RABGAP1L: variants seen among roughly 807,000 people sequenced by gnomAD.
RABGAP1L encodes the protein rab GTPase-activating protein 1-like.
In RABGAP1L, 63 loss-of-function variants were observed where a neutral mutation model predicts 137.7. That is an observed-to-expected ratio of 0.46 (90% CI 0.37 to 0.56). The LOEUF is 0.56. RABGAP1L is among the 20% of genes least tolerant of loss of function. The pLI is 0.00. For missense variants in RABGAP1L, 1,095 were observed against 1,244.0 expected, an observed-to-expected ratio of 0.88 and a Z score of 1.80; for synonymous variants, 431 against 433.7, an observed-to-expected ratio of 0.99 and a Z score of 0.08.
chr1:174,699,026 G>T (rs1488570197), intron 15 of RABGAP1L, among the ~76,000 whole-genome samples: 1 of 150,852 alleles, frequency 6.6e-6, no homozygotes, highest in African/African-American at 2.4e-5. Context: ...ACGGGGTCTC[G>T]CTCTGTCACC....
Position 174,221,172 on chromosome 1 carries a change from A to G in RABGAP1L, c.331+8A>G, listed in dbSNP as rs1669724267. 4 of 1,524,338 alleles carry G rather than the reference A, an allele frequency of 2.6e-6. No individual in the cohort carries two copies. The highest frequency in any genetic ancestry group is 1.4e-5 in the African/African-American group (1 of 71,124). The allele number at this position is 1,524,338 out of a possible 1,614,324, so 94.4% of individuals were successfully genotyped here. A position where few individuals can be genotyped will look rare whatever the true frequency, so the allele number is the denominator to read the frequency against. On this transcript the variant is annotated splice_region_variant and intron_variant, in intron 3 of 25. Transcript: ENST00000681986. ...TGGATCCGTCTAACACAGGTACTGT[A>G]TTGAATTCTTAGAAACTATTAAAGA... is the stretch of plus-strand genomic sequence containing the variant.
At chr1:174,536,989 A>C (rs1269131675) in intron 13 of RABGAP1L, among the ~76,000 whole-genome samples, 3 of 152,198 alleles carry the variant, frequency 2.0e-5, no homozygotes, top group African/African-American at 7.2e-5. Context: ...GCATAAGTAG[A>C]TACTGACAAT....
intron 13 of RABGAP1L, among the ~76,000 whole-genome samples, chr1:174,494,416 G>A (rs963275864): frequency 2.0e-5 from 3 of 152,062 alleles, no homozygotes; most frequent in African/African-American, 7.2e-5. Context: ...TTTTATTAGG[G>A]AAAAGTTTTC....
At chr1:174,540,675 C>T (rs1665319393) in intron 13 of RABGAP1L, among the ~76,000 whole-genome samples, 3 of 150,270 alleles carry the variant, frequency 2.0e-5, no homozygotes, top group Admixed American at 6.6e-5. Context: ...GTACCAGTAC[C>T]ATGCTGTTTT....
At chr1:174,968,504 T>TC (rs1669841709) in intron 20 of RABGAP1L, among the ~76,000 whole-genome samples, 1 of 151,738 alleles carries the variant, frequency 6.6e-6, no homozygotes, top group Non-Finnish European at 1.5e-5. Context: ...GACTTGGTTT[T>TC]TTTTTTTTCT....
intron 19 of RABGAP1L, among the ~76,000 whole-genome samples, chr1:174,933,094 G>GCATA (rs200140078): frequency 0.011 from 1,727 of 151,958 alleles, 13 homozygotes; most frequent in South Asian, 0.035. Flanking sequence ...ATACATACAT[G>GCATA]CATACATACA....
At chr1:174,853,687 C>T (rs144398178) in intron 19 of RABGAP1L, among the ~76,000 whole-genome samples, 1,738 of 152,062 alleles carry the variant, frequency 0.011, 37 homozygotes, top group African/African-American at 0.037. Context: ...GCCGAGATGG[C>T]GCCACTGCAC....
In RABGAP1L at chr1:174,830,209, G is replaced by A. The variant is rs1447408124; in HGVS notation, c.2340+18249G>A. On this transcript the variant is annotated intron_variant, in intron 19 of 25. Transcript: ENST00000681986. ...ACCACAAGGGAAAGGGATACCAGGA[G>A]TCATGACTGATTAGAAGCCATTCCT... Among the ~76,000 whole-genome samples the A allele has an allele frequency of 1.4e-5, 2 of 147,240 alleles. 1 individual carries two copies. The highest frequency in any genetic ancestry group is 3.0e-5 in the Non-Finnish European group (2 of 66,406).
chr1:174,162,960 G>A (rs1468586717), intron 1 of RABGAP1L, among the ~76,000 whole-genome samples: 2 of 119,046 alleles, frequency 1.7e-5, no homozygotes, highest in East Asian at 6.4e-4. Flanking sequence ...GGAGGGGGGA[G>A]GGATAGCATT....
chr1:174,636,827 C>T (rs992549129), intron 13 of RABGAP1L, among the ~76,000 whole-genome samples: 1 of 152,116 alleles, frequency 6.6e-6, no homozygotes, highest in Non-Finnish European at 1.5e-5. Context: ...AGCAATTAAA[C>T]CTCAAGGAAT....
chr1:174,855,103 C>T (rs1178273102), intron 19 of RABGAP1L, among the ~76,000 whole-genome samples: 1 of 151,908 alleles, frequency 6.6e-6, no homozygotes, highest in Admixed American at 6.6e-5. Flanking sequence ...TTAGATTTTC[C>T]CTATGATATT....
intron 23 of RABGAP1L, 55 bp downstream of exon 23, chr1:174,978,945 A>AT (rs371036834): frequency 0.061 from 63,319 of 1,043,982 alleles, 86 homozygotes; most frequent in South Asian, 0.095. Context: ...TATAAAAGTA[A>AT]TTTTTTTTTT....
intron 13 of RABGAP1L, among the ~76,000 whole-genome samples, chr1:174,597,229 C>A (rs531765458): frequency 1.3e-5 from 2 of 152,062 alleles, no homozygotes; most frequent in Non-Finnish European, 2.9e-5. Flanking sequence ...ATACTGCCCT[C>A]ATAGAATGAG....
chr1:174,179,310 T>A (rs1430208956), intron 1 of RABGAP1L, among the ~76,000 whole-genome samples: 1 of 152,214 alleles, frequency 6.6e-6, no homozygotes, highest in Non-Finnish European at 1.5e-5. Flanking sequence ...AACTATAGTT[T>A]GTCAGTTAGT....
intron 13 of RABGAP1L, among the ~76,000 whole-genome samples, chr1:174,537,071 G>A (rs2147915373): frequency 6.6e-6 from 1 of 152,294 alleles, no homozygotes; most frequent in South Asian, 2.1e-4. Flanking sequence ...TTTCTTTGAA[G>A]TAGTTGGTTG....
intron 17 of RABGAP1L, among the ~76,000 whole-genome samples, chr1:174,712,241 C>T (rs992967390): frequency 1.3e-5 from 2 of 152,182 alleles, no homozygotes; most frequent in Non-Finnish European, 1.5e-5. Flanking sequence ...GAGCAGTCAC[C>T]TTCCGGACTG....
intron 11 of RABGAP1L, among the ~76,000 whole-genome samples, chr1:174,349,256 G>A (rs1363398135): frequency 1.4e-5 from 2 of 139,794 alleles, no homozygotes; most frequent in Non-Finnish European, 3.2e-5. Flanking sequence ...CCTCCCGGAC[G>A]GGGCGGCTGG....
At chr1:174,268,605 G>A (rs537210707) in intron 7 of RABGAP1L, among the ~76,000 whole-genome samples, 53 of 152,174 alleles carry the variant, frequency 3.5e-4, no homozygotes, top group Admixed American at 4.6e-4. Context: ...GGAGATATAT[G>A]TAATTCCTAA....
At chr1:174,540,145 A>AT (rs1414816171) in intron 13 of RABGAP1L, among the ~76,000 whole-genome samples, 1 of 151,582 alleles carries the variant, frequency 6.6e-6, no homozygotes, top group Non-Finnish European at 1.5e-5. Flanking sequence ...GGGTAGTTTG[A>AT]TTTTTTCTTG....
Sources: gnomAD v4.1 joint callset for allele counts (sites outside exome capture counted in the v4.1 genomes callset) on GRCh38, gnomAD v4.1.1 for gene constraint, MANE v1.5 for transcripts, NCBI Gene and HGNC (gene_info 2026-07-23, HGNC 2026-07-21) for gene names.